CAPZB: variants seen among roughly 807,000 people sequenced by gnomAD.
CAPZB encodes the protein capping actin protein of muscle Z-line subunit beta, also known as F-actin-capping protein subunit beta.
A neutral mutation model predicts 38.1 loss-of-function variants in CAPZB; 2 were observed. The ratio of observed to expected loss-of-function variants is 0.05; its 90% CI spans 0.02 to 0.17. The LOEUF (loss-of-function observed/expected upper bound fraction) is 0.17. CAPZB is among the 10% of genes least tolerant of loss of function. The pLI is 1.00. For missense variants in CAPZB, 161 were observed against 334.2 expected, an observed-to-expected ratio of 0.48 and a Z score of 4.04; for synonymous variants, 107 against 127.4, an observed-to-expected ratio of 0.84 and a Z score of 1.08.
At chr1:19,396,852 C>T (rs569325128) in intron 2 of CAPZB, among the ~76,000 whole-genome samples, 2 of 150,608 alleles carry the variant, frequency 1.3e-5, no homozygotes, top group Non-Finnish European at 3.0e-5. Flanking sequence ...ACTCAGGAGA[C>T]TAAGGGAGGA....
At chr1:19,375,748 A>G (rs1332808031) in intron 4 of CAPZB, among the ~76,000 whole-genome samples, 2 of 152,238 alleles carry the variant, frequency 1.3e-5, no homozygotes, top group Non-Finnish European at 2.9e-5. Flanking sequence ...GTGAAGAGTG[A>G]GGCCTTAGCT....
chr1:19,378,785 G>C, intron 3 of CAPZB, 132 bp from the exon 4 acceptor site: 1 of 604,392 alleles, frequency 1.7e-6, no homozygotes, highest in South Asian at 1.9e-5. Flanking sequence ...GATTTTTCTG[G>C]GTCCTGGCAA....
intron 8 of CAPZB, among the ~76,000 whole-genome samples, chr1:19,342,077 A>G (rs1432775981): frequency 6.6e-6 from 1 of 152,238 alleles, no homozygotes; most frequent in Non-Finnish European, 1.5e-5. Flanking sequence ...ACCAACAAGC[A>G]AGACTATTTT....
chr1:19,475,230 T>C (rs149100524), intron 1 of CAPZB, among the ~76,000 whole-genome samples: 9 of 152,322 alleles, frequency 5.9e-5, no homozygotes, highest in African/African-American at 2.2e-4. Context: ...ATGCTCACCA[T>C]TTCTTAGACA....
intron 2 of CAPZB, among the ~76,000 whole-genome samples, chr1:19,394,444 G>A (rs901187193): frequency 2.0e-5 from 3 of 152,224 alleles, no homozygotes; most frequent in African/African-American, 7.2e-5. Flanking sequence ...GCGATGGCTG[G>A]GCACAGTGGC....
intron 1 of CAPZB, among the ~76,000 whole-genome samples, chr1:19,429,283 C>CA (rs952431080): frequency 0.036 from 4,763 of 133,478 alleles, 192 homozygotes; most frequent in African/African-American, 0.1. Context: ...TCATTTCAAA[C>CA]AAAAAAAAAA....
intron 2 of CAPZB, among the ~76,000 whole-genome samples, chr1:19,413,620 C>T (rs1478139624): frequency 6.6e-6 from 1 of 152,206 alleles, no homozygotes; most frequent in Non-Finnish European, 1.5e-5. Flanking sequence ...AAGTGTGAGC[C>T]ACCAGGCCCA....
intron 3 of CAPZB, among the ~76,000 whole-genome samples, chr1:19,379,854 G>A (rs1359901217): frequency 6.6e-6 from 1 of 152,006 alleles, no homozygotes; most frequent in Non-Finnish European, 1.5e-5. Flanking sequence ...AGGTGAGAGA[G>A]GAATGAAAAG....
chr1:19,341,950 G>A (rs1226530776), intron 8 of CAPZB, among the ~76,000 whole-genome samples: 3 of 152,202 alleles, frequency 2.0e-5, no homozygotes, highest in African/African-American at 4.8e-5. Context: ...AGCCCCAGTT[G>A]GCAGGGTTCC....
At chr1:19,358,241 G>A (rs916494655) in intron 4 of CAPZB, among the ~76,000 whole-genome samples, 6 of 152,174 alleles carry the variant, frequency 3.9e-5, no homozygotes, top group African/African-American at 1.2e-4. Flanking sequence ...AGGTTCAAAC[G>A]ATTCTCCTGC....
chr1:19,348,866 T>A (rs1171184785), intron 6 of CAPZB, among the ~76,000 whole-genome samples: 1 of 152,014 alleles, frequency 6.6e-6, no homozygotes, highest in South Asian at 2.1e-4. Context: ...GCAAGGCTGT[T>A]TTACTGAGGA....
At chr1:19,475,871 A>T (rs1463112606) in intron 1 of CAPZB, among the ~76,000 whole-genome samples, 1 of 152,216 alleles carries the variant, frequency 6.6e-6, no homozygotes, top group Non-Finnish European at 1.5e-5. Flanking sequence ...ACACCTGTAG[A>T]GCAATGGCTG....
At chr1:19,358,025 C>T (rs2094031114) in intron 4 of CAPZB, among the ~76,000 whole-genome samples, 1 of 152,218 alleles carries the variant, frequency 6.6e-6, no homozygotes, top group Admixed American at 6.5e-5. Flanking sequence ...GCCTGGCAGA[C>T]CAGGGCTCCA....
chr1:19,476,016 G>T (rs2094605287), intron 1 of CAPZB, among the ~76,000 whole-genome samples: 1 of 152,156 alleles, frequency 6.6e-6, no homozygotes, highest in Non-Finnish European at 1.5e-5. Flanking sequence ...CTGAGCTCAG[G>T]TAACTACTAA....
intron 2 of CAPZB, among the ~76,000 whole-genome samples, chr1:19,395,501 G>A (rs559398110): frequency 6.6e-6 from 1 of 152,326 alleles, no homozygotes; most frequent in Admixed American, 6.5e-5. Context: ...CTCACAGCCT[G>A]GAAGGGGCCA....
intron 1 of CAPZB, among the ~76,000 whole-genome samples, chr1:19,451,389 T>C (rs951834934): frequency 6.6e-6 from 1 of 152,210 alleles, no homozygotes; most frequent in African/African-American, 2.4e-5. Context: ...AAAAGGCCTT[T>C]CAGAGTGGAA....
chr1:19,437,736 C>T (rs567591091), intron 1 of CAPZB, among the ~76,000 whole-genome samples: 1 of 152,224 alleles, frequency 6.6e-6, no homozygotes, highest in African/African-American at 2.4e-5. Context: ...AAGCTGTTTA[C>T]CAGGGACCCC....
At chr1:19,467,490 G>A (rs999974) in intron 1 of CAPZB, among the ~76,000 whole-genome samples, 100,670 of 151,886 alleles carry the variant, frequency 0.66, 33,824 homozygotes, top group Middle Eastern at 0.77. Flanking sequence ...CTAAGTCACC[G>A]CTCTTCTCAC....
rs1199468167 is a variant in CAPZB at position 19,356,598 on chromosome 1, TG to T, written c.588+36del. ...AGGTCAGCACTGAGGCCAGCACCTG[TG>T]GGCACTGGCAAGTGGCTATGAGCGG... is the stretch of plus-strand genomic sequence containing the variant. On this transcript the variant is annotated intron_variant, in intron 6 of 8. Coordinates refer to ENST00000264202, the MANE Select transcript of CAPZB (RefSeq NM_004930.5). The surrounding 1 kb of genome is among the most constrained non-coding windows in gnomAD (Gnocchi z 4.3). The T allele has an allele frequency of 1.5e-6, 2 of 1,367,046 alleles. No individual in the cohort carries two copies. The highest frequency in any genetic ancestry group is 2.1e-6 in the Non-Finnish European group (2 of 954,312). The allele number at this position is 1,367,046 out of a possible 1,614,324, so 84.7% of individuals were successfully genotyped here. A position where few individuals can be genotyped will look rare whatever the true frequency, so the allele number is the denominator to read the frequency against.
Sources: allele counts gnomAD v4.1 joint callset (sites outside exome capture counted in the v4.1 genomes callset), GRCh38; gene constraint gnomAD v4.1.1; non-coding constraint Gnocchi (gnomAD v3.1); transcripts MANE v1.5; gene names NCBI Gene and HGNC (gene_info 2026-07-23, HGNC 2026-07-21).